The following RNF145 variants were observed in gnomAD, a reference collection of about 807,000 sequenced individuals.
RNF145 encodes ring finger protein 145.
Under a neutral mutation model 57.3 loss-of-function variants are expected in RNF145, and 12 were observed. The observed-to-expected ratio is 0.21, with a 90% CI of 0.13 to 0.34. The LOEUF (loss-of-function observed/expected upper bound fraction) is 0.34. RNF145 is among the 10% of genes least tolerant of loss of function. The pLI, the probability that RNF145 is intolerant of heterozygous loss-of-function variation, is 1.00. For missense variants in RNF145, 429 were observed against 799.0 expected (o/e 0.54, Z 5.58); for synonymous variants, 262 against 288.3 (o/e 0.91, Z 0.92).
At chr5:159,164,637 T>C (rs1784335117) in intron 8 of RNF145, among the ~76,000 whole-genome samples, 1 of 152,020 alleles carries the variant, frequency 6.6e-6, no homozygotes, top group Non-Finnish European at 1.5e-5. Flanking sequence ...AAATTTCAAA[T>C]AAAATATAAA....
Position 159,209,409 on chromosome 5 carries a change from G to T in RNF145, c.-218C>A. ...CGGATGTTGCTTCTGGGGAGGCGGA[G>T]GCAGCGGCAGCGGCAGCGGCCCGGC... On this transcript the variant is annotated 5_prime_UTR_variant, in exon 1 of 11. Coordinates refer to ENST00000424310, the MANE Select transcript of RNF145 (RefSeq NM_001199383.2). The T allele has an allele frequency of 1.5e-6, 1 of 652,626 alleles. No individual in the cohort carries two copies. Among genetic ancestry groups the T allele is most frequent in the South Asian group, 5.9e-5 (1 of 16,948 alleles). 40.4% of individuals were successfully genotyped at this position (652,626 alleles called of 1,614,324 possible). A position where few individuals can be genotyped will look rare whatever the true frequency, so the allele number is the denominator to read the frequency against.
At position 159,161,599 on chromosome 5, in the gene RNF145, A is replaced by G. The variant is rs1784217350; in HGVS notation, c.1293T>C (p.Tyr431=). 4 of 1,593,158 alleles carry G rather than the reference A, an allele frequency of 2.5e-6. No homozygotes were observed. The highest frequency in any genetic ancestry group is 3.4e-6 in the Non-Finnish European group (4 of 1,172,878). The part of the protein sequence containing the change: ...SLQVLGTLFI[Y]VLFMVEEFRK... The stretch of plus-strand genomic sequence containing the variant: ...TGAATTCCTCAACCATAAATAAGAC[A>G]TAAATAAAAAGTGTTCCCAGAACCT... The change falls in exon 10 of 11, where the codon TAT becomes TAC. Residue 431 remains tyrosine, a synonymous_variant. Transcript: ENST00000424310.
intron 6 of RNF145, 22 bp from the exon 7 acceptor site, chr5:159,169,841 T>C (rs763008175): frequency 1.3e-6 from 2 of 1,581,282 alleles, no homozygotes; most frequent in Admixed American, 1.9e-5. Context: ...GAGGGGGAAA[T>C]TAACAGACAT....
chr5:159,188,573 A>G (rs1785171520), intron 3 of RNF145, among the ~76,000 whole-genome samples: 1 of 152,138 alleles, frequency 6.6e-6, no homozygotes. Flanking sequence ...ACGGATTAGC[A>G]CTAGAAAAAT....
rs1311162828 is a variant in RNF145, at chr5:159,161,622, C to A, written c.1270G>T (p.Val424Phe). Residue 424 changes from valine (V) to phenylalanine (F), a missense_variant and splice_region_variant, in exon 10 of 11, where the codon GTT becomes TTT. This residue lies in a region of RNF145 where 216 missense variants were observed against 457.6 expected (regional missense o/e 0.47). Coordinates refer to ENST00000424310, the MANE Select transcript of RNF145 (RefSeq NM_001199383.2). ...ISSSILTSLQ[V>F]LGTLFIYVLF... ...ACATAAATAAAAAGTGTTCCCAGAACCTGAAAAAAAAAAAAAAATGTACGT... is the reference window on the plus strand; with the variant it reads ...ACATAAATAAAAAGTGTTCCCAGAAACTGAAAAAAAAAAAAAAATGTACGT... 2 of 1,425,886 alleles carry A rather than the reference C, an allele frequency of 1.4e-6. No individual in the cohort carries two copies. The highest frequency in any genetic ancestry group is 2.5e-5 in the Admixed American group (1 of 40,270). The allele number at this position is 1,425,886 out of a possible 1,614,324, so 88.3% of individuals were successfully genotyped here. A position where few individuals can be genotyped will look rare whatever the true frequency, so the allele number is the denominator to read the frequency against.
At chr5:159,162,811 G>T in intron 9 of RNF145, 121 bp downstream of exon 9, 2 of 694,468 alleles carry the variant, frequency 2.9e-6, no homozygotes, top group Non-Finnish European at 4.7e-6. Flanking sequence ...TAAAGAGAGA[G>T]AGAAGTTATC....
chr5:159,177,138 ATG>A (rs1784744345), intron 4 of RNF145, among the ~76,000 whole-genome samples: 1 of 152,098 alleles, frequency 6.6e-6, no homozygotes, highest in African/African-American at 2.4e-5. Flanking sequence ...CATGTGTAAT[ATG>A]AAGAAAACTT....
intron 3 of RNF145, among the ~76,000 whole-genome samples, chr5:159,192,645 A>C (rs1785325410): frequency 6.6e-6 from 1 of 152,238 alleles, no homozygotes; most frequent in South Asian, 2.1e-4. Flanking sequence ...ACTATGTCAG[A>C]AACTGTGGTA....
At chr5:159,163,782 T>A (rs536136483) in intron 8 of RNF145, among the ~76,000 whole-genome samples, 5 of 152,346 alleles carry the variant, frequency 3.3e-5, no homozygotes, top group Admixed American at 2.0e-4. Context: ...CCATCCAAGC[T>A]TGTCAAATCT....
chr5:159,203,687 TAA>T, intron 1 of RNF145, 31 bp from the exon 2 acceptor site: 1 of 1,469,534 alleles, frequency 6.8e-7, no homozygotes, highest in Non-Finnish European at 9.2e-7. Context: ...TATATAAAAA[TAA>T]AAAGTCAACA....
In RNF145 at chr5:159,201,584, T is replaced by C. The variant is rs541351522; in HGVS notation, c.184+1850A>G. Among the ~76,000 whole-genome samples the C allele has an allele frequency of 1.2e-4, 19 of 152,280 alleles. 1 individual carries two copies. The South Asian group carries it at 3.7e-3, about 30-fold the overall frequency. On this transcript the variant is annotated intron_variant, in intron 2 of 10. Coordinates refer to ENST00000424310, the MANE Select transcript of RNF145 (RefSeq NM_001199383.2). ...TTTAAGATCCGGCAGACTGTCATCATAAGAAAAAGAGCACAAAACTCTATT... is the reference window on the plus strand; with the variant it reads ...TTTAAGATCCGGCAGACTGTCATCACAAGAAAAAGAGCACAAAACTCTATT...
At chr5:159,203,212 T>G (rs1785733592) in intron 2 of RNF145, among the ~76,000 whole-genome samples, 1 of 152,218 alleles carries the variant, frequency 6.6e-6, no homozygotes, top group Non-Finnish European at 1.5e-5. Flanking sequence ...GCCTTCCAGT[T>G]TTATCCAGTA....
In RNF145 at chr5:159,158,088, G is replaced by A. The variant is rs921787801; in HGVS notation, c.*582C>T. 2.6e-5 allele frequency: 4 copies of A among 151,974 alleles called. No homozygotes were observed. The highest frequency in any genetic ancestry group is 6.5e-5 in the Admixed American group (1 of 15,294). 9.4% of individuals were successfully genotyped at this position (151,974 alleles called of 1,614,324 possible). A position where few individuals can be genotyped will look rare whatever the true frequency, so the allele number is the denominator to read the frequency against. On this transcript the variant is annotated 3_prime_UTR_variant, in exon 11 of 11. Transcript: ENST00000424310. ...CCTAAAGCACATACAAAGTATGAGC[G>A]TGCTTCAATCTTTGAATACAATCAA... is the stretch of plus-strand genomic sequence containing the variant.
At chr5:159,176,514 T>G (rs1185944308) in intron 5 of RNF145, 118 bp downstream of exon 5, 1 of 657,366 alleles carries the variant, frequency 1.5e-6, no homozygotes, top group Non-Finnish European at 2.6e-6. Context: ...AGCAGCTGTT[T>G]TGAAACTGCA....
At chr5:159,161,711 GT>G in intron 9 of RNF145, 89 bp from the exon 10 acceptor site, 1 of 746,184 alleles carries the variant, frequency 1.3e-6, no homozygotes, top group Non-Finnish European at 2.2e-6. Context: ...CATTCCTGAT[GT>G]TTTTAGGGTG....
At chr5:159,182,478 G>A (rs924189196) in intron 3 of RNF145, among the ~76,000 whole-genome samples, 8 of 151,966 alleles carry the variant, frequency 5.3e-5, no homozygotes, top group African/African-American at 1.4e-4. Flanking sequence ...TTTTGGCCCC[G>A]ATTATATTTT....
chr5:159,194,430 C>A (rs1028632827), intron 3 of RNF145, among the ~76,000 whole-genome samples: 1 of 152,108 alleles, frequency 6.6e-6, no homozygotes, highest in Non-Finnish European at 1.5e-5. Flanking sequence ...CCTCCCAAAG[C>A]GCTGGGATTA....
At chr5:159,167,011 T>C (rs1490789237) in intron 8 of RNF145, among the ~76,000 whole-genome samples, 2 of 152,184 alleles carry the variant, frequency 1.3e-5, no homozygotes, top group East Asian at 1.9e-4. Flanking sequence ...TTCTTTGGAA[T>C]TTGGTAGAAC....
chr5:159,206,675 T>G (rs1049971962), intron 1 of RNF145, among the ~76,000 whole-genome samples: 1 of 152,182 alleles, frequency 6.6e-6, no homozygotes, highest in Non-Finnish European at 1.5e-5. Flanking sequence ...CAGCATATCC[T>G]AAAGTACAGG....
Sources: allele counts gnomAD v4.1 joint callset (sites outside exome capture counted in the v4.1 genomes callset), GRCh38; gene constraint gnomAD v4.1.1; regional missense constraint gnomAD v4.1.1; transcripts MANE v1.5; gene names NCBI Gene and HGNC (gene_info 2026-07-23, HGNC 2026-07-21).